AKT3: variants seen among roughly 807,000 people sequenced by gnomAD.
The protein encoded by AKT3 is RAC-gamma serine/threonine-protein kinase.
Under a neutral mutation model 65.3 loss-of-function variants are expected in AKT3, and 15 were observed. The observed-to-expected ratio is 0.23, with a 90% CI of 0.15 to 0.35. AKT3 has a LOEUF of 0.35. AKT3 is among the 10% of genes least tolerant of loss of function. The pLI is 1.00. For missense variants in AKT3, 243 were observed against 576.5 expected (o/e 0.42, Z 5.92); for synonymous variants, 206 against 183.8 (o/e 1.12, Z -0.98).
At chr1:243,602,744 T>C (rs1677107221) in intron 8 of AKT3, among the ~76,000 whole-genome samples, 1 of 152,164 alleles carries the variant, frequency 6.6e-6, no homozygotes, top group Non-Finnish European at 1.5e-5. Flanking sequence ...ATGAACTAAG[T>C]ATGGACAAAA....
chr1:243,706,903 A>G lies in AKT3; in HGVS notation c.47-11187T>C, dbSNP rs558809386. On this transcript the variant is annotated intron_variant, in intron 2 of 13. Transcript: ENST00000673466. ...TAAAGGACAGAGTTAAGATTCAAAGAGTGGTTGGGAGCGCACACTCTCAAG... is the reference window on the plus strand; with the variant it reads ...TAAAGGACAGAGTTAAGATTCAAAGGGTGGTTGGGAGCGCACACTCTCAAG... 9.2e-5 allele frequency among the ~76,000 whole-genome samples: 14 copies of G among 152,172 alleles called. No homozygotes were observed. In the East Asian group the frequency reaches 2.5e-3, roughly 27 times the overall value.
intron 2 of AKT3, among the ~76,000 whole-genome samples, chr1:243,800,200 T>C (rs2148363847): frequency 6.6e-6 from 1 of 152,292 alleles, no homozygotes; most frequent in South Asian, 2.1e-4. Flanking sequence ...CCCTACTACT[T>C]GCTAGGTGTA....
chr1:243,791,308 T>C (rs1691616929), intron 2 of AKT3, among the ~76,000 whole-genome samples: 1 of 152,062 alleles, frequency 6.6e-6, no homozygotes, highest in South Asian at 2.1e-4. Flanking sequence ...TTCTCAAGTA[T>C]TTTTGACACA....
intron 12 of AKT3, among the ~76,000 whole-genome samples, chr1:243,535,935 A>T (rs566827116): frequency 6.6e-6 from 1 of 152,308 alleles, no homozygotes; most frequent in South Asian, 2.1e-4. Context: ...GTAAAATGGT[A>T]TCTCACTGTG....
intron 2 of AKT3, among the ~76,000 whole-genome samples, chr1:243,775,059 C>T (rs898002698): frequency 6.6e-6 from 1 of 151,666 alleles, no homozygotes; most frequent in Non-Finnish European, 1.5e-5. Flanking sequence ...GACGAGGTTT[C>T]GTCATGTTCC....
intron 2 of AKT3, among the ~76,000 whole-genome samples, chr1:243,721,406 A>C (rs971637018): frequency 6.6e-6 from 1 of 152,158 alleles, no homozygotes; most frequent in Non-Finnish European, 1.5e-5. Flanking sequence ...CTATTTCTAC[A>C]TAGCTGTCCA....
chr1:243,815,938 C>T (rs956272171), intron 2 of AKT3, among the ~76,000 whole-genome samples: 4 of 152,018 alleles, frequency 2.6e-5, no homozygotes, highest in Admixed American at 6.5e-5. Context: ...TTATCTATTG[C>T]TATAATTACC....
chr1:243,528,608 G>T (rs989875023), intron 12 of AKT3, among the ~76,000 whole-genome samples: 1 of 152,118 alleles, frequency 6.6e-6, no homozygotes, highest in Non-Finnish European at 1.5e-5. Context: ...GTTTGCTTAG[G>T]CTTATGGCCT....
At chr1:243,723,152 G>C (rs1213617518) in intron 2 of AKT3, among the ~76,000 whole-genome samples, 2 of 152,086 alleles carry the variant, frequency 1.3e-5, no homozygotes, top group Admixed American at 1.3e-4. Flanking sequence ...CGAAAATAAT[G>C]TTAGCTGGCA....
chr1:243,523,355 A>G (rs1670850890), intron 12 of AKT3, among the ~76,000 whole-genome samples: 1 of 151,510 alleles, frequency 6.6e-6, no homozygotes, highest in Admixed American at 6.6e-5. Context: ...GCAGGTTTGT[A>G]CTGGGCAGCT....
At position 243,770,962 on chromosome 1, in the gene AKT3, T is replaced by C. The variant is rs1690142022; in HGVS notation, c.46+72163A>G. On this transcript the variant is annotated intron_variant, in intron 2 of 13. Transcript: ENST00000673466. ...CAACTGAGAAGCTCTGAGAGAAGTC[T>C]TCTAAAAAGATATATGGGGGGAGGA... 2.0e-5 allele frequency among the ~76,000 whole-genome samples: 3 copies of C among 152,108 alleles called. No individual in the cohort carries two copies. In the South Asian group the frequency reaches 6.2e-4, roughly 32 times the overall value.
At chr1:243,756,583 T>C (rs1469508382) in intron 2 of AKT3, among the ~76,000 whole-genome samples, 4 of 152,160 alleles carry the variant, frequency 2.6e-5, no homozygotes, top group African/African-American at 9.7e-5. Flanking sequence ...AAATAATGAA[T>C]CTATGAATGG....
At chr1:243,781,279 T>A (rs187781100) in intron 2 of AKT3, among the ~76,000 whole-genome samples, 72 of 152,330 alleles carry the variant, frequency 4.7e-4, no homozygotes, top group Non-Finnish European at 2.9e-4. Flanking sequence ...TACGAATGAA[T>A]GCATTTGTCC....
At chr1:243,533,529 A>G (rs1671689155) in intron 12 of AKT3, among the ~76,000 whole-genome samples, 1 of 152,240 alleles carries the variant, frequency 6.6e-6, no homozygotes, top group Non-Finnish European at 1.5e-5. Flanking sequence ...TGTATACTTC[A>G]AACTCAAGGG....
At chr1:243,810,235 G>C (rs1266297260) in intron 2 of AKT3, among the ~76,000 whole-genome samples, 1 of 152,150 alleles carries the variant, frequency 6.6e-6, no homozygotes, top group Non-Finnish European at 1.5e-5. Context: ...GTGAATCCAG[G>C]AGATGGTTTT....
intron 2 of AKT3, among the ~76,000 whole-genome samples, chr1:243,763,999 C>T (rs907488293): frequency 1.3e-5 from 2 of 152,032 alleles, no homozygotes; most frequent in African/African-American, 4.8e-5. Flanking sequence ...CTCTGCAGCA[C>T]AACAGAAACA....
chr1:243,679,536 G>A (rs1248869954), intron 3 of AKT3, among the ~76,000 whole-genome samples: 1 of 152,144 alleles, frequency 6.6e-6, no homozygotes, highest in Non-Finnish European at 1.5e-5. Context: ...TGACAGATAA[G>A]TTGTCAAGTA....
intron 2 of AKT3, among the ~76,000 whole-genome samples, chr1:243,784,639 G>A (rs761107872): frequency 5.3e-5 from 8 of 152,152 alleles, no homozygotes; most frequent in Non-Finnish European, 8.8e-5. Flanking sequence ...CCCTCATGCC[G>A]GGTGATACTG....
intron 13 of AKT3, among the ~76,000 whole-genome samples, chr1:243,511,187 C>G (rs1376588629): frequency 6.6e-6 from 1 of 152,216 alleles, no homozygotes; most frequent in Non-Finnish European, 1.5e-5. Flanking sequence ...GTTGGTAAGC[C>G]CTGCTTCTGG....
Sources: gnomAD v4.1 joint callset for allele counts (sites outside exome capture counted in the v4.1 genomes callset) on GRCh38, gnomAD v4.1.1 for gene constraint, MANE v1.5 for transcripts, NCBI Gene and HGNC (gene_info 2026-07-23, HGNC 2026-07-21) for gene names.